Variants in CPNE3 observed in about 807,000 individuals in gnomAD.
CPNE3 encodes copine 3.
CPNE3 carries 68 observed loss-of-function variants against 63.9 expected under a neutral mutation model. The ratio of observed to expected loss-of-function variants is 1.06; its 90% CI spans 0.87 to 1.30. CPNE3 has a LOEUF of 1.30. CPNE3 is among the 50% of genes most tolerant of loss of function. The pLI is 0.00. For missense variants in CPNE3, 665 were observed against 578.1 expected (o/e 1.15, Z -1.54); for synonymous variants, 219 against 197.5 (o/e 1.11, Z -0.91).
Position 86,560,900 on chromosome 8 carries a change from A to G in CPNE3, c.*2490A>G, listed in dbSNP as rs1821426521. The G allele has an allele frequency of 6.6e-6, 1 of 152,190 alleles. No homozygotes were observed. Among genetic ancestry groups the G allele is most frequent in the Non-Finnish European group, 1.5e-5 (1 of 68,038 alleles). 9.4% of individuals were successfully genotyped at this position (152,190 alleles called of 1,614,324 possible). ...CATATTGACTTTCACACCTCATATA[A>G]TCAGATCTATTACAAATATATATCG... is the stretch of plus-strand genomic sequence containing the variant. On this transcript the variant is annotated 3_prime_UTR_variant, in exon 17 of 17. Coordinates refer to ENST00000517490, the MANE Select transcript of CPNE3 (RefSeq NM_003909.5).
chr8:86,556,964 G>A (rs776399824), intron 16 of CPNE3, among the ~76,000 whole-genome samples: 9 of 151,944 alleles, frequency 5.9e-5, no homozygotes, highest in African/African-American at 1.2e-4. Flanking sequence ...CATCACTCTC[G>A]AGAATCACCA....
intron 9 of CPNE3, 127 bp from the exon 10 acceptor site, chr8:86,546,468 A>G (rs929351688): frequency 1.2e-6 from 1 of 859,850 alleles, no homozygotes; most frequent in Non-Finnish European, 1.8e-6. Context: ...TCAGAGTTAT[A>G]TTTTGCAACA....
intron 2 of CPNE3, among the ~76,000 whole-genome samples, chr8:86,527,730 G>T (rs1450982668): frequency 6.6e-6 from 1 of 151,990 alleles, no homozygotes; most frequent in Non-Finnish European, 1.5e-5. Context: ...GGAGCTGGGG[G>T]TAGAGTGGAG....
chr8:86,550,594 T>A (rs1053496240), intron 12 of CPNE3, among the ~76,000 whole-genome samples: 6 of 152,220 alleles, frequency 3.9e-5, no homozygotes, highest in Non-Finnish European at 2.9e-5. Flanking sequence ...TCCCTCTCCC[T>A]AATGTATGAA....
intron 2 of CPNE3, among the ~76,000 whole-genome samples, chr8:86,521,874 T>TG (rs564724030): frequency 1.8e-3 from 269 of 152,310 alleles, no homozygotes; most frequent in African/African-American, 6.3e-3. Context: ...CTGTGACATA[T>TG]GGACCTTCCA....
At chr8:86,524,091 T>C (rs540141614) in intron 2 of CPNE3, among the ~76,000 whole-genome samples, 23 of 152,272 alleles carry the variant, frequency 1.5e-4, no homozygotes, top group African/African-American at 5.1e-4. Flanking sequence ...AGGTGAGAGA[T>C]ACAGAAGACC....
rs918219054 is a variant in CPNE3 at position 86,560,199 on chromosome 8, T to A, written c.*1789T>A. ...GAGAAAAGAAAACTAACCCTTCTTC[T>A]GATTGTTTGGAGCCATAGTTGTCTC... On this transcript the variant is annotated 3_prime_UTR_variant, in exon 17 of 17. Transcript: ENST00000517490. 2.0e-5 allele frequency: 3 copies of A among 152,228 alleles called. No individual in the cohort carries two copies. The highest frequency in any genetic ancestry group is 7.2e-5 in the African/African-American group (3 of 41,460). 9.4% of individuals were successfully genotyped at this position (152,228 alleles called of 1,614,324 possible).
At chr8:86,530,181 T>C (rs1364004566) in intron 4 of CPNE3, among the ~76,000 whole-genome samples, 1 of 151,588 alleles carries the variant, frequency 6.6e-6, no homozygotes, top group Admixed American at 6.6e-5. Flanking sequence ...TTTTTTTTTT[T>C]TTTTTTGAGA....
chr8:86,537,520 T>C, intron 6 of CPNE3, 43 bp from the exon 7 acceptor site: 7 of 1,214,128 alleles, frequency 5.8e-6, no homozygotes, highest in Non-Finnish European at 8.6e-6. Flanking sequence ...TTTCATGGGT[T>C]CAGAGGAGAA....
In CPNE3 at chr8:86,548,554, AT is replaced by A. The variant is rs943238366; in HGVS notation, c.1013+121del. 75 of 1,241,294 alleles carry A rather than the reference AT, an allele frequency of 6.0e-5. No individual in the cohort carries two copies. The African/African-American group carries it at 1.0e-3, about 17-fold the overall frequency. The allele number at this position is 1,241,294 out of a possible 1,614,324, so 76.9% of individuals were successfully genotyped here. On this transcript the variant is annotated intron_variant, in intron 12 of 16. Coordinates refer to ENST00000517490, the MANE Select transcript of CPNE3 (RefSeq NM_003909.5). ...AGGTTGATGATGCTTTCTCCCTAAA[AT>A]CCCCCCGTCTTATCTTCTATTTTTC...
In CPNE3 at chr8:86,519,637, G is replaced by C. The variant is rs143040039; in HGVS notation, c.-11+4138G>C. On this transcript the variant is annotated intron_variant, in intron 2 of 16. Coordinates refer to ENST00000517490, the MANE Select transcript of CPNE3 (RefSeq NM_003909.5). ...GTTTGTTTGTTTATTTAAGTCATCT[G>C]AGCACTTAATAACAATTTTGAGCAA... Among the ~76,000 whole-genome samples the C allele has an allele frequency of 3.1e-3, 471 of 152,292 alleles. 2 individuals carry two copies. Among genetic ancestry groups the C allele is most frequent in the African/African-American group, 0.011 (450 of 41,568 alleles).
intron 7 of CPNE3, 56 bp downstream of exon 7, chr8:86,537,702 C>G (rs371104283): frequency 9.8e-7 from 1 of 1,019,080 alleles, no homozygotes; most frequent in Non-Finnish European, 1.6e-6. Flanking sequence ...TTATTGTAAT[C>G]TGAATTTTAA....
chr8:86,558,432 G>A lies in CPNE3; in HGVS notation c.*22G>A. 1 of 872,696 alleles carries A rather than the reference G, an allele frequency of 1.1e-6. No individual in the cohort carries two copies. Among genetic ancestry groups the A allele is most frequent in the Admixed American group, 1.7e-5 (1 of 59,178 alleles). 54.1% of individuals were successfully genotyped at this position (872,696 alleles called of 1,614,324 possible). On this transcript the variant is annotated 3_prime_UTR_variant, in exon 17 of 17. Transcript: ENST00000517490. ...GTGACCACTTCAACAGAATTCTTTT[G>A]TGTTATGTGGAGCAATGCCATCTCT...
chr8:86,542,791 G>A (rs1820971269), intron 8 of CPNE3, among the ~76,000 whole-genome samples: 1 of 151,998 alleles, frequency 6.6e-6, no homozygotes, highest in South Asian at 2.1e-4. Context: ...CCTTCAAGGG[G>A]ACAAGAGGGA....
intron 2 of CPNE3, among the ~76,000 whole-genome samples, chr8:86,525,428 T>C (rs1820521041): frequency 6.6e-6 from 1 of 152,220 alleles, no homozygotes; most frequent in Non-Finnish European, 1.5e-5. Context: ...CTAGTGTTTA[T>C]GTAATTTCTT....
chr8:86,558,942 A>G lies in CPNE3; in HGVS notation c.*532A>G, dbSNP rs1457534987. Reference sequence around the variant, plus strand: ...CCTGTCTATGCATCTGATTTTTGCTACAGTTTAGACACTGTGGTTTACAAA... The same window carrying G: ...CCTGTCTATGCATCTGATTTTTGCTGCAGTTTAGACACTGTGGTTTACAAA... On this transcript the variant is annotated 3_prime_UTR_variant, in exon 17 of 17. Coordinates refer to ENST00000517490, the MANE Select transcript of CPNE3 (RefSeq NM_003909.5). The G allele has an allele frequency of 6.5e-6, 1 of 153,654 alleles. No individual in the cohort carries two copies. Among genetic ancestry groups the G allele is most frequent in the East Asian group, 1.9e-4 (1 of 5,226 alleles). 9.5% of individuals were successfully genotyped at this position (153,654 alleles called of 1,614,324 possible). A position where few individuals can be genotyped will look rare whatever the true frequency, so the allele number is the denominator to read the frequency against.
At chr8:86,520,282 C>T (rs1201385779) in intron 2 of CPNE3, among the ~76,000 whole-genome samples, 3 of 152,218 alleles carry the variant, frequency 2.0e-5, no homozygotes, top group South Asian at 2.1e-4. Context: ...CAGTGGCTCA[C>T]GCCTGTAATC....
intron 1 of CPNE3, among the ~76,000 whole-genome samples, chr8:86,514,989 G>T (rs1820247354): frequency 1.3e-5 from 2 of 152,208 alleles, no homozygotes; most frequent in African/African-American, 4.8e-5. Flanking sequence ...CCCACACCAC[G>T]TCCGTGGTGA....
chr8:86,521,697 C>T (rs370474261), intron 2 of CPNE3: 53 of 152,216 alleles, frequency 3.5e-4, no homozygotes, highest in African/African-American at 1.3e-3. Context: ...GTGACACTTA[C>T]TAGCTTTGTG....
Sources: gnomAD v4.1 joint callset for allele counts (sites outside exome capture counted in the v4.1 genomes callset) on GRCh38, gnomAD v4.1.1 for gene constraint, MANE v1.5 for transcripts, NCBI Gene and HGNC (gene_info 2026-07-23, HGNC 2026-07-21) for gene names.